The following ZNF385D variants were observed in gnomAD, a reference collection of about 807,000 sequenced individuals.
The protein encoded by ZNF385D is zinc finger protein 385D.
A neutral mutation model predicts 35.8 loss-of-function variants in ZNF385D; 15 were observed. The ratio of observed to expected loss-of-function variants is 0.42; its 90% CI spans 0.28 to 0.64. The LOEUF (loss-of-function observed/expected upper bound fraction) is 0.64. ZNF385D is among the 30% of genes least tolerant of loss of function. The pLI is 0.23. For synonymous variants in ZNF385D, 212 were observed against 186.8 expected (o/e 1.13, Z -1.10); for missense variants, 474 against 494.6 (o/e 0.96, Z 0.39).
chr3:21,955,630 A>C (rs940527780), intron 3 of ZNF385D, among the ~76,000 whole-genome samples: 5 of 152,100 alleles, frequency 3.3e-5, no homozygotes, highest in African/African-American at 9.7e-5. Context: ...AAATTTTGCA[A>C]TCTGTTCTCA....
chr3:22,084,142 C>A lies in ZNF385D; in HGVS notation c.325+84675G>T, dbSNP rs143094423. 1.4e-3 allele frequency among the ~76,000 whole-genome samples: 220 copies of A among 152,248 alleles called. 1 individual carries two copies. The highest frequency in any genetic ancestry group is 5.1e-3 in the African/African-American group (211 of 41,548). The stretch of plus-strand genomic sequence containing the variant: ...ACTGCAAAAACATGCCAAATTGTAA[C>A]GACCATCGTTGCTAGGAAGAAATTG... On this transcript the variant is annotated intron_variant, in intron 3 of 5. Coordinates refer to the ZNF385D transcript ENST00000494108.
intron 3 of ZNF385D, among the ~76,000 whole-genome samples, chr3:22,040,935 C>A (rs931562434): frequency 2.0e-5 from 3 of 151,888 alleles, no homozygotes; most frequent in Non-Finnish European, 2.9e-5. Context: ...AATTTATATA[C>A]CATACAATTT....
chr3:21,754,466 C>T (rs773522063), upstream of ZNF385D, among the ~76,000 whole-genome samples: 37 of 152,238 alleles, frequency 2.4e-4, no homozygotes, highest in South Asian at 6.2e-4. Context: ...ACAAAGGATG[C>T]CTTCAAACCA....
chr3:21,616,777 A>G (rs1416429911), intron 2 of ZNF385D, among the ~76,000 whole-genome samples: 1 of 152,274 alleles, frequency 6.6e-6, no homozygotes, highest in East Asian at 1.9e-4. Flanking sequence ...AATACTTCTC[A>G]TGATTTTTGT....
intron 3 of ZNF385D, among the ~76,000 whole-genome samples, chr3:22,025,941 A>C (rs193028792): frequency 6.8e-6 from 1 of 146,960 alleles, no homozygotes; most frequent in Non-Finnish European, 1.5e-5. Flanking sequence ...ATTGGATCTC[A>C]AGGTGGCAGG....
At chr3:21,905,205 CAAAAAA>C (rs63147760) in intron 3 of ZNF385D, among the ~76,000 whole-genome samples, 2 of 69,730 alleles carry the variant, frequency 2.9e-5, no homozygotes, top group Non-Finnish European at 5.4e-5. Context: ...ACAAAAAATC[CAAAAAA>C]AAAAAAAAAA....
rs1700529340 is a variant in ZNF385D, at chr3:21,414,095, A to T, written c.*7119T>A. The T allele has an allele frequency of 6.6e-6, 1 of 152,210 alleles. No homozygotes were observed. The highest frequency in any genetic ancestry group is 2.1e-4 in the South Asian group (1 of 4,832). 9.4% of individuals were successfully genotyped at this position (152,210 alleles called of 1,614,324 possible). Reference sequence around the variant, plus strand: ...GTAAAATTTCAGTGAATTAAATATTATTAGAAGAAATTATTGACTAAGTTT... The same window carrying T: ...GTAAAATTTCAGTGAATTAAATATTTTTAGAAGAAATTATTGACTAAGTTT... On this transcript the variant is annotated 3_prime_UTR_variant, in exon 8 of 8. Transcript: ENST00000281523.
intron 3 of ZNF385D, among the ~76,000 whole-genome samples, chr3:22,005,445 T>C (rs1303666224): frequency 6.6e-6 from 1 of 152,012 alleles, no homozygotes; most frequent in Non-Finnish European, 1.5e-5. Context: ...AGGGTAACTA[T>C]TTTTAACAAC....
chr3:21,953,884 C>T (rs1426072412), intron 3 of ZNF385D, among the ~76,000 whole-genome samples: 1 of 151,992 alleles, frequency 6.6e-6, no homozygotes, highest in East Asian at 1.9e-4. Context: ...ACAATGAAGG[C>T]ACATGTAGCC....
intron 3 of ZNF385D, among the ~76,000 whole-genome samples, chr3:21,872,662 T>C (rs1379170232): frequency 6.6e-6 from 1 of 152,080 alleles, no homozygotes; most frequent in African/African-American, 2.4e-5. Flanking sequence ...TGGTTGCCAT[T>C]TACAATGTGG....
intron 3 of ZNF385D, among the ~76,000 whole-genome samples, chr3:21,813,576 T>C (rs1381264876): frequency 6.6e-6 from 1 of 152,162 alleles, no homozygotes; most frequent in African/African-American, 2.4e-5. Context: ...AGTAGCTGAT[T>C]TGATCAAGTG....
chr3:22,012,699 T>C (rs1207721067), intron 3 of ZNF385D, among the ~76,000 whole-genome samples: 1 of 152,140 alleles, frequency 6.6e-6, no homozygotes. Flanking sequence ...TTTCTAGTCT[T>C]GGGAAACTTC....
chr3:21,607,342 TATG>T (rs1251064146), intron 2 of ZNF385D, among the ~76,000 whole-genome samples: 5 of 152,248 alleles, frequency 3.3e-5, no homozygotes, highest in Admixed American at 2.6e-4. Context: ...TCATTTAATG[TATG>T]ATAAAACTGA....
At chr3:22,340,251 A>G (rs1224861722) in intron 2 of ZNF385D, among the ~76,000 whole-genome samples, 1 of 152,256 alleles carries the variant, frequency 6.6e-6, no homozygotes, top group Non-Finnish European at 1.5e-5. Context: ...TGTTTGAGCT[A>G]TGTTAGACCA....
At chr3:21,740,596 G>T (rs189496220) in intron 1 of ZNF385D, among the ~76,000 whole-genome samples, 1 of 152,122 alleles carries the variant, frequency 6.6e-6, no homozygotes, top group South Asian at 2.1e-4. Flanking sequence ...CCAGGGATGG[G>T]CAGCACAGGC....
At chr3:21,466,842 A>C (rs1703548507) in intron 4 of ZNF385D, among the ~76,000 whole-genome samples, 1 of 152,190 alleles carries the variant, frequency 6.6e-6, no homozygotes, top group African/African-American at 2.4e-5. Flanking sequence ...AGGACTGTGA[A>C]CTTAGGAGAG....
At chr3:22,252,975 G>C (rs2728959) in intron 2 of ZNF385D, among the ~76,000 whole-genome samples, 60,898 of 151,890 alleles carry the variant, frequency 0.4, 12,683 homozygotes, top group African/African-American at 0.51. Context: ...CAGCATGACA[G>C]AGTAGTATCT....
intron 3 of ZNF385D, among the ~76,000 whole-genome samples, chr3:21,789,678 T>C (rs546902404): frequency 1.3e-5 from 2 of 152,296 alleles, no homozygotes; most frequent in South Asian, 2.1e-4. Context: ...CTCATTTGCC[T>C]GTATTTAGAA....
chr3:21,999,879 A>T (rs2125412334), intron 3 of ZNF385D, among the ~76,000 whole-genome samples: 1 of 152,310 alleles, frequency 6.6e-6, no homozygotes, highest in South Asian at 2.1e-4. Context: ...GGCATCACAG[A>T]AGGAGAAGAG....
Sources: gnomAD v4.1 joint callset for allele counts (sites outside exome capture counted in the v4.1 genomes callset) on GRCh38, gnomAD v4.1.1 for gene constraint, MANE v1.5 for transcripts, NCBI Gene and HGNC (gene_info 2026-07-23, HGNC 2026-07-21) for gene names.